Variants in INPP4B observed in about 807,000 individuals in gnomAD.
INPP4B encodes inositol polyphosphate-4-phosphatase type II B.
Under a neutral mutation model 122.5 loss-of-function variants are expected in INPP4B, and 55 were observed. The ratio of observed to expected loss-of-function variants is 0.45; its 90% CI spans 0.36 to 0.56. The LOEUF (loss-of-function observed/expected upper bound fraction) is 0.56, where lower values mean the gene tolerates loss of function less well. INPP4B is among the 20% of genes least tolerant of loss of function. The probability of loss-of-function intolerance (pLI) is 0.00; values close to 1 mark genes in which losing one functional copy is unlikely to be tolerated. For synonymous variants in INPP4B, 403 were observed against 388.7 expected, an observed-to-expected ratio of 1.04 and a Z score of -0.43; for missense variants, 1,000 against 1,097.7, an observed-to-expected ratio of 0.91 and a Z score of 1.26.
At chr4:142,808,660 A>G (rs1167907556) in intron 1 of INPP4B, among the ~76,000 whole-genome samples, 7 of 152,344 alleles carry the variant, frequency 4.6e-5, no homozygotes, top group Admixed American at 1.3e-4. Context: ...CAATGCAAAC[A>G]TAAGTCCCTA....
chr4:142,840,504 C>G (rs1178952562), intron 1 of INPP4B, among the ~76,000 whole-genome samples: 1 of 151,968 alleles, frequency 6.6e-6, no homozygotes, highest in African/African-American at 2.4e-5. Flanking sequence ...ATAAGCAGAT[C>G]TCACATAAAA....
chr4:142,434,720 G>A (rs1042646137), intron 3 of INPP4B, among the ~76,000 whole-genome samples: 2 of 152,110 alleles, frequency 1.3e-5, no homozygotes, highest in Non-Finnish European at 2.9e-5. Flanking sequence ...AAACTCAGTA[G>A]GTTTTCTCTG....
intron 3 of INPP4B, among the ~76,000 whole-genome samples, chr4:142,443,852 G>T (rs1461244813): frequency 6.6e-6 from 1 of 152,026 alleles, no homozygotes; most frequent in Non-Finnish European, 1.5e-5. Context: ...AAAGGAGAGG[G>T]AGAAAGAAGA....
chr4:142,569,959 C>T (rs1732466940), intron 2 of INPP4B, among the ~76,000 whole-genome samples: 1 of 152,014 alleles, frequency 6.6e-6, no homozygotes, highest in African/African-American at 2.4e-5. Flanking sequence ...TCCATTCCTC[C>T]TCCAATATAA....
chr4:142,086,308 A>T, intron 23 of INPP4B, 52 bp from the exon 24 acceptor site: 6 of 945,730 alleles, frequency 6.3e-6, no homozygotes, highest in Non-Finnish European at 1.0e-5. Context: ...TGTTCACATT[A>T]AGCTGCCCAT....
chr4:142,497,560 C>G (rs1243654451), intron 2 of INPP4B, among the ~76,000 whole-genome samples: 1 of 152,032 alleles, frequency 6.6e-6, no homozygotes, highest in Admixed American at 6.6e-5. Flanking sequence ...TAAGCAAATG[C>G]TTTATTGGGG....
At chr4:142,238,038 T>C in intron 11 of INPP4B, 27 bp from the exon 12 acceptor site, 2 of 1,262,164 alleles carry the variant, frequency 1.6e-6, no homozygotes, top group Non-Finnish European at 2.3e-6. Context: ...AAAATAATAG[T>C]TAAATTCTAA....
intron 1 of INPP4B, among the ~76,000 whole-genome samples, chr4:142,838,880 C>T (rs957955087): frequency 4.6e-5 from 7 of 152,180 alleles, no homozygotes; most frequent in Admixed American, 1.3e-4. Flanking sequence ...TCTCAGATTC[C>T]CCAGTTCTCA....
chr4:142,720,397 A>T (rs1234979703), intron 2 of INPP4B, among the ~76,000 whole-genome samples: 1 of 151,952 alleles, frequency 6.6e-6, no homozygotes, highest in African/African-American at 2.4e-5. Context: ...AAATATAGAG[A>T]GCTATCCCTC....
chr4:142,103,792 A>C (rs1243387419), intron 23 of INPP4B, among the ~76,000 whole-genome samples: 1 of 151,858 alleles, frequency 6.6e-6, no homozygotes, highest in Non-Finnish European at 1.5e-5. Context: ...CTTACAGTAA[A>C]AATTGTTCAT....
intron 1 of INPP4B, among the ~76,000 whole-genome samples, chr4:142,833,360 A>G (rs1305936134): frequency 1.3e-5 from 2 of 152,122 alleles, no homozygotes; most frequent in Non-Finnish European, 2.9e-5. Context: ...ATTCTTCTCT[A>G]TTAAATATGC....
In INPP4B at chr4:142,619,979, C is replaced by T. The variant is rs538893216; in HGVS notation, c.-191+105860G>A. The stretch of plus-strand genomic sequence containing the variant: ...GAGTAGTAGGACTAATTTAACCTAA[C>T]CTCGTTTTTTAAAGATGAAGAAACT... On this transcript the variant is annotated intron_variant, in intron 2 of 25. Transcript: ENST00000262992. Among the ~76,000 whole-genome samples, 25 of 151,984 alleles carry T rather than the reference C, an allele frequency of 1.6e-4. 2 individuals are homozygous for T. In the South Asian group the frequency reaches 5.2e-3, roughly 32 times the overall value.
intron 7 of INPP4B, among the ~76,000 whole-genome samples, chr4:142,330,054 T>C (rs1266684664): frequency 6.6e-6 from 1 of 152,160 alleles, no homozygotes; most frequent in African/African-American, 2.4e-5. Context: ...ATGAAAGCTC[T>C]ATGAATAAAA....
chr4:142,648,983 G>A (rs1181428091), intron 2 of INPP4B, among the ~76,000 whole-genome samples: 3 of 152,152 alleles, frequency 2.0e-5, no homozygotes, highest in Non-Finnish European at 4.4e-5. Context: ...TGCCCCTCTG[G>A]GACAAAGCTT....
intron 2 of INPP4B, among the ~76,000 whole-genome samples, chr4:142,626,346 A>G (rs1746391936): frequency 6.6e-6 from 1 of 152,004 alleles, no homozygotes; most frequent in African/African-American, 2.4e-5. Context: ...CTTAAAAGGG[A>G]CAGGGATCTT....
At chr4:142,671,125 T>TA (rs1461715535) in intron 2 of INPP4B, among the ~76,000 whole-genome samples, 3 of 152,048 alleles carry the variant, frequency 2.0e-5, no homozygotes, top group Non-Finnish European at 4.4e-5. Flanking sequence ...TAGATGTAGG[T>TA]AAAAACACCA....
At chr4:142,322,526 A>G (rs1479393979) in intron 7 of INPP4B, among the ~76,000 whole-genome samples, 1 of 152,212 alleles carries the variant, frequency 6.6e-6, no homozygotes, top group African/African-American at 2.4e-5. Context: ...TCACATTTCT[A>G]GTCTATAAGA....
intron 2 of INPP4B, among the ~76,000 whole-genome samples, chr4:142,610,694 A>G (rs953122736): frequency 1.3e-5 from 2 of 152,170 alleles, no homozygotes; most frequent in African/African-American, 4.8e-5. Flanking sequence ...ACACGTGATC[A>G]CCAACTTTGA....
chr4:142,379,146 T>C (rs937602276), intron 7 of INPP4B, among the ~76,000 whole-genome samples: 10 of 152,168 alleles, frequency 6.6e-5, no homozygotes, highest in Non-Finnish European at 1.2e-4. Context: ...ACATAAAATT[T>C]AAATATCACT....
Sources: gnomAD v4.1 joint callset for allele counts (sites outside exome capture counted in the v4.1 genomes callset) on GRCh38, gnomAD v4.1.1 for gene constraint, MANE v1.5 for transcripts, NCBI Gene and HGNC (gene_info 2026-07-23, HGNC 2026-07-21) for gene names.